Variants in ANKS1B observed in about 807,000 individuals in gnomAD.
ANKS1B encodes the protein ankyrin repeat and sterile alpha motif domain containing 1B.
In ANKS1B, 36 loss-of-function variants were observed where a neutral mutation model predicts 148.3. That is an observed-to-expected ratio of 0.24 (90% confidence interval 0.19 to 0.32). The LOEUF (loss-of-function observed/expected upper bound fraction) is 0.32, where lower values mean the gene tolerates loss of function less well. Among genes scored for constraint, ANKS1B ranks in the 10% least tolerant of loss-of-function variants. The probability of loss-of-function intolerance (pLI) is 1.00; values close to 1 mark genes in which losing one functional copy is unlikely to be tolerated. For synonymous variants in ANKS1B, 542 were observed against 560.8 expected (o/e 0.97, Z 0.47); for missense variants, 1,157 against 1,542.6 (o/e 0.75, Z 4.19).
chr12:98,965,421 G>A (rs1240859677), intron 17 of ANKS1B, among the ~76,000 whole-genome samples: 1 of 152,006 alleles, frequency 6.6e-6, no homozygotes, highest in African/African-American at 2.4e-5. Context: ...TTTATTTTTG[G>A]GTGAAAGTCT....
At chr12:98,781,698 T>C (rs1057136378) in intron 23 of ANKS1B, among the ~76,000 whole-genome samples, 13 of 152,220 alleles carry the variant, frequency 8.5e-5, no homozygotes, top group Non-Finnish European at 1.9e-4. Context: ...AAAATAGGGA[T>C]GTAAAAGATA....
At chr12:99,375,491 A>G (rs1443409783) in intron 12 of ANKS1B, among the ~76,000 whole-genome samples, 1 of 152,210 alleles carries the variant, frequency 6.6e-6, no homozygotes, top group African/African-American at 2.4e-5. Context: ...GAGATTAGAA[A>G]ATGTACTTAG....
At chr12:98,980,015 G>C (rs536998662) in intron 17 of ANKS1B, among the ~76,000 whole-genome samples, 1 of 151,938 alleles carries the variant, frequency 6.6e-6, no homozygotes, top group East Asian at 1.9e-4. Flanking sequence ...AAGTTCATGG[G>C]CTTTTTCTTT....
At chr12:98,795,566 GTTA>G (rs2098940064) in intron 22 of ANKS1B, 5 of 431,740 alleles carry the variant, frequency 1.2e-5, no homozygotes, top group Non-Finnish European at 1.8e-5. Flanking sequence ...CCTTTTAAAA[GTTA>G]TTATGTGGTT....
At chr12:99,726,482 G>A (rs970166116) in intron 8 of ANKS1B, among the ~76,000 whole-genome samples, 15 of 152,136 alleles carry the variant, frequency 9.9e-5, no homozygotes, top group African/African-American at 3.6e-4. Flanking sequence ...TGAAATTGAG[G>A]CAGTAATTAA....
At chr12:99,206,059 A>C (rs1455522811) in intron 14 of ANKS1B, among the ~76,000 whole-genome samples, 1 of 152,194 alleles carries the variant, frequency 6.6e-6, no homozygotes, top group Non-Finnish European at 1.5e-5. Context: ...CCAAAAGATA[A>C]GACTACCATG....
intron 9 of ANKS1B, among the ~76,000 whole-genome samples, chr12:99,578,487 AAAC>A (rs1393150865): frequency 3.3e-5 from 5 of 152,154 alleles, no homozygotes; most frequent in Admixed American, 3.3e-4. Flanking sequence ...CTCCTAGAAT[AAAC>A]AACTTCAGCA....
intron 20 of ANKS1B, among the ~76,000 whole-genome samples, chr12:98,804,212 A>C (rs2099031254): frequency 6.6e-6 from 1 of 152,164 alleles, no homozygotes; most frequent in Non-Finnish European, 1.5e-5. Context: ...TGGCCTTCAA[A>C]TATTGCTTCA....
intron 1 of ANKS1B, among the ~76,000 whole-genome samples, chr12:99,839,957 C>A (rs1016569181): frequency 6.6e-6 from 1 of 151,962 alleles, no homozygotes; most frequent in Non-Finnish European, 1.5e-5. Flanking sequence ...TTCACTCATT[C>A]AAAAAATAGC....
At chr12:98,735,903 T>C (rs899710954) in intron 9 of ANKS1B, among the ~76,000 whole-genome samples, 3 of 152,144 alleles carry the variant, frequency 2.0e-5, no homozygotes, top group Admixed American at 2.0e-4. Context: ...AAGCTGACAC[T>C]TGTACAGACC....
chr12:99,378,198 C>T (rs935840191), intron 12 of ANKS1B, among the ~76,000 whole-genome samples: 10 of 152,230 alleles, frequency 6.6e-5, no homozygotes, highest in African/African-American at 2.4e-4. Context: ...TTCTAAGTAT[C>T]TAAGGAAGTG....
chr12:99,139,261 C>G (rs1459358038), intron 15 of ANKS1B, among the ~76,000 whole-genome samples: 4 of 141,354 alleles, frequency 2.8e-5, no homozygotes, highest in Non-Finnish European at 6.1e-5. Context: ...TCTTCTTCCT[C>G]TCTTTCCTTT....
At chr12:99,730,437 G>A (rs527398969) in intron 8 of ANKS1B, among the ~76,000 whole-genome samples, 46 of 152,296 alleles carry the variant, frequency 3.0e-4, no homozygotes, top group African/African-American at 9.6e-4. Context: ...AAGATGAACA[G>A]TAGCCTCCAA....
chr12:99,541,970 T>C (rs544950987), intron 9 of ANKS1B, among the ~76,000 whole-genome samples: 59 of 152,306 alleles, frequency 3.9e-4, no homozygotes, highest in Middle Eastern at 6.8e-3. Flanking sequence ...AGATTCTATT[T>C]AATGGTGAAA....
In ANKS1B at chr12:99,162,869, C is replaced by T. The variant is rs537660832; in HGVS notation, c.2420-8474G>A. ...GGTCAGGAGTTTGAGACCAGCCTGG[C>T]CAATATGGTAAAACCTCGTCTCTAC... is the stretch of plus-strand genomic sequence containing the variant. On this transcript the variant is annotated intron_variant, in intron 14 of 26. Coordinates refer to ENST00000683438, the MANE Select transcript of ANKS1B (RefSeq NM_001352186.2). 9.9e-5 allele frequency among the ~76,000 whole-genome samples: 15 copies of T among 152,100 alleles called. No homozygotes were observed. The South Asian group carries it at 2.3e-3, about 23-fold the overall frequency.
intron 10 of ANKS1B, among the ~76,000 whole-genome samples, chr12:99,451,201 T>G (rs193168255): frequency 6.6e-6 from 1 of 152,314 alleles, no homozygotes; most frequent in East Asian, 1.9e-4. Flanking sequence ...TAATTATTCA[T>G]TATGAATGTC....
chr12:99,820,317 T>A (rs1187454303), intron 2 of ANKS1B, among the ~76,000 whole-genome samples: 3 of 151,976 alleles, frequency 2.0e-5, no homozygotes, highest in African/African-American at 4.8e-5. Flanking sequence ...TGGCTCCCAA[T>A]GAAAATGTAC....
chr12:99,046,344 C>CAA (rs557318663), intron 17 of ANKS1B, among the ~76,000 whole-genome samples: 1 of 151,460 alleles, frequency 6.6e-6, no homozygotes, highest in Non-Finnish European at 1.5e-5. Context: ...ACCAGACATG[C>CAA]AAAAAAACAG....
chr12:98,894,775 G>A (rs1040685953), intron 17 of ANKS1B: 4 of 985,144 alleles, frequency 4.1e-6, no homozygotes, highest in Non-Finnish European at 2.4e-6. Context: ...GAATGCGAGC[G>A]GCGAGGCGAG....
Sources: gnomAD v4.1 joint callset for allele counts (sites outside exome capture counted in the v4.1 genomes callset) on GRCh38, gnomAD v4.1.1 for gene constraint, MANE v1.5 for transcripts, NCBI Gene and HGNC (gene_info 2026-07-23, HGNC 2026-07-21) for gene names.